PTPRD: variants seen among roughly 807,000 people sequenced by gnomAD.
The protein encoded by PTPRD is protein tyrosine phosphatase receptor type D.
In PTPRD, 34 loss-of-function variants were observed where a neutral mutation model predicts 214.5. The ratio of observed to expected loss-of-function variants is 0.16; its 90% CI spans 0.12 to 0.21. PTPRD has a LOEUF of 0.21. PTPRD is among the 10% of genes least tolerant of loss of function. The pLI, the probability that PTPRD is intolerant of heterozygous loss-of-function variation, is 1.00. For missense variants in PTPRD, 2,545 were observed against 2,398.7 expected, an observed-to-expected ratio of 1.06 and a Z score of -1.27; for synonymous variants, 1,128 against 845.7, an observed-to-expected ratio of 1.33 and a Z score of -5.79.
At chr9:9,548,398 T>A (rs1015573736) in intron 8 of PTPRD, among the ~76,000 whole-genome samples, 7 of 139,626 alleles carry the variant, frequency 5.0e-5, no homozygotes, top group Admixed American at 2.1e-4. Flanking sequence ...TATATGTGAC[T>A]TTTTTTCTTT....
chr9:10,037,040 C>A (rs1285872064), intron 3 of PTPRD, among the ~76,000 whole-genome samples: 2 of 151,882 alleles, frequency 1.3e-5, no homozygotes, highest in East Asian at 3.9e-4. Flanking sequence ...TATGTCCCAC[C>A]ATGCCTAGCT....
intron 22 of PTPRD, among the ~76,000 whole-genome samples, chr9:8,506,446 T>C (rs111662473): frequency 6.6e-6 from 1 of 152,216 alleles, no homozygotes; most frequent in Admixed American, 6.5e-5. Context: ...TTCTATCATG[T>C]ATTCAAACTG....
chr9:8,472,999 T>C (rs2096685676), intron 30 of PTPRD, among the ~76,000 whole-genome samples: 1 of 152,188 alleles, frequency 6.6e-6, no homozygotes, highest in African/African-American at 2.4e-5. Context: ...GTGTGGCATG[T>C]AGCAGTAAAC....
intron 42 of PTPRD, among the ~76,000 whole-genome samples, chr9:8,339,383 G>C (rs983454175): frequency 6.6e-6 from 1 of 152,040 alleles, no homozygotes; most frequent in Admixed American, 6.6e-5. Flanking sequence ...ATCAGTCCTT[G>C]GACAATGCTG....
At chr9:8,656,521 G>C (rs771652260) in intron 12 of PTPRD, among the ~76,000 whole-genome samples, 3 of 152,144 alleles carry the variant, frequency 2.0e-5, no homozygotes, top group Middle Eastern at 3.4e-3. Flanking sequence ...CCCTTTCCTT[G>C]CATAGGTACC....
intron 11 of PTPRD, among the ~76,000 whole-genome samples, chr9:8,934,624 T>A (rs775834929): frequency 5.5e-5 from 8 of 145,318 alleles, no homozygotes; most frequent in Non-Finnish European, 1.2e-4. Flanking sequence ...TAGTTTGTGG[T>A]GAGAATGTTT....
chr9:10,266,083 G>A (rs2094035394), intron 3 of PTPRD, among the ~76,000 whole-genome samples: 1 of 151,836 alleles, frequency 6.6e-6, no homozygotes, highest in Non-Finnish European at 1.5e-5. Context: ...ATGGCCCTAT[G>A]GAGACCCACA....
chr9:8,586,539 C>G (rs1405403340), intron 14 of PTPRD, among the ~76,000 whole-genome samples: 1 of 152,136 alleles, frequency 6.6e-6, no homozygotes, highest in Admixed American at 6.5e-5. Context: ...ACCTAACAGG[C>G]TGACTTGGTT....
chr9:9,235,132 G>A (rs866202969), intron 9 of PTPRD, among the ~76,000 whole-genome samples: 12 of 152,268 alleles, frequency 7.9e-5, no homozygotes, highest in Middle Eastern at 3.4e-3. Context: ...CCACTTCTCA[G>A]GGTGGCGGGA....
At chr9:10,049,415 G>A (rs397832195) in intron 3 of PTPRD, among the ~76,000 whole-genome samples, 12 of 54,830 alleles carry the variant, frequency 2.2e-4, no homozygotes, top group Admixed American at 4.1e-4. Flanking sequence ...AAAAAAGAAA[G>A]AAAGAAAGAA....
At chr9:8,942,872 A>G (rs1342307825) in intron 11 of PTPRD, among the ~76,000 whole-genome samples, 3 of 152,166 alleles carry the variant, frequency 2.0e-5, no homozygotes, top group Non-Finnish European at 4.4e-5. Flanking sequence ...ATTATCTTAC[A>G]CTTGGAGAAA....
At chr9:9,042,619 C>CT (rs869116004) in intron 10 of PTPRD, among the ~76,000 whole-genome samples, 197 of 62,308 alleles carry the variant, frequency 3.2e-3, no homozygotes, top group African/African-American at 0.01. Flanking sequence ...TTTTTCTTTT[C>CT]TTTTTTTTTT....
rs974315178 is a variant in PTPRD, at chr9:10,248,243, G to C, written c.-545+92720C>G. Among the ~76,000 whole-genome samples, 20 of 152,032 alleles carry C rather than the reference G, an allele frequency of 1.3e-4. 1 individual carries two copies. The highest frequency in any genetic ancestry group is 2.9e-5 in the Non-Finnish European group (2 of 68,022). On this transcript the variant is annotated intron_variant, in intron 3 of 45. Transcript: ENST00000381196. Reference sequence around the variant, plus strand: ...AGTAAGGGTTAAAGTGTCAAGAGGAGGCTCTCAGTCAACGTTTTTTGGGGT... The same window carrying C: ...AGTAAGGGTTAAAGTGTCAAGAGGACGCTCTCAGTCAACGTTTTTTGGGGT...
chr9:9,903,712 T>C (rs972185786), intron 5 of PTPRD, among the ~76,000 whole-genome samples: 1 of 152,114 alleles, frequency 6.6e-6, no homozygotes, highest in Non-Finnish European at 1.5e-5. Context: ...TTCTTCTTTC[T>C]GTCTTACCCT....
chr9:9,154,844 CA>C (rs2099879860), intron 10 of PTPRD, among the ~76,000 whole-genome samples: 1 of 151,980 alleles, frequency 6.6e-6, no homozygotes, highest in African/African-American at 2.4e-5. Context: ...TATTTTATAC[CA>C]ATGTAAAGAT....
chr9:9,479,380 C>T (rs117102245), intron 8 of PTPRD, among the ~76,000 whole-genome samples: 1,975 of 151,646 alleles, frequency 0.013, 26 homozygotes, highest in Non-Finnish European at 0.019. Flanking sequence ...CACATACACT[C>T]ATTGCTGTTT....
intron 9 of PTPRD, among the ~76,000 whole-genome samples, chr9:9,197,059 CTTAG>C (rs1044502941): frequency 6.6e-6 from 1 of 152,196 alleles, no homozygotes; most frequent in East Asian, 1.9e-4. Flanking sequence ...CATCCCCCAA[CTTAG>C]TTAATGTGTA....
At chr9:8,433,864 T>C (rs1243878520) in intron 35 of PTPRD, among the ~76,000 whole-genome samples, 2 of 152,218 alleles carry the variant, frequency 1.3e-5, no homozygotes, top group Admixed American at 6.5e-5. Flanking sequence ...TCTACAGTAG[T>C]ATACAGTAAC....
At chr9:10,268,073 T>C (rs948592570) in intron 3 of PTPRD, among the ~76,000 whole-genome samples, 1 of 150,972 alleles carries the variant, frequency 6.6e-6, no homozygotes, top group African/African-American at 2.4e-5. Context: ...AGGCTAGGAG[T>C]TCAAGACCAA....
Sources: gnomAD v4.1 joint callset for allele counts (sites outside exome capture counted in the v4.1 genomes callset) on GRCh38, gnomAD v4.1.1 for gene constraint, MANE v1.5 for transcripts, NCBI Gene and HGNC (gene_info 2026-07-23, HGNC 2026-07-21) for gene names.